ATF6: variants seen among roughly 807,000 people sequenced by gnomAD.
The protein encoded by ATF6 is activating transcription factor 6.
ATF6 carries 53 observed loss-of-function variants against 83.6 expected under a neutral mutation model. The ratio of observed to expected loss-of-function variants is 0.63; its 90% CI spans 0.51 to 0.80. ATF6 has a LOEUF of 0.80. ATF6 is among the 30% of genes least tolerant of loss of function. ATF6 has a pLI of 0.00. For synonymous variants in ATF6, 288 were observed against 285.8 expected, an observed-to-expected ratio of 1.01 and a Z score of -0.08; for missense variants, 744 against 797.9, an observed-to-expected ratio of 0.93 and a Z score of 0.81.
At chr1:161,947,611 A>G (rs1289441384) in intron 15 of ATF6, among the ~76,000 whole-genome samples, 1 of 152,178 alleles carries the variant, frequency 6.6e-6, no homozygotes, top group Non-Finnish European at 1.5e-5. Flanking sequence ...TGTCCATTTT[A>G]TAATAATTCA....
At chr1:161,900,130 T>A (rs2101878522) in intron 14 of ATF6, among the ~76,000 whole-genome samples, 1 of 152,314 alleles carries the variant, frequency 6.6e-6, no homozygotes, top group East Asian at 1.9e-4. Flanking sequence ...TTATCTTACT[T>A]GTTTTTATTA....
intron 15 of ATF6, among the ~76,000 whole-genome samples, chr1:161,947,808 GCCTTTT>G: frequency 1.0e-5 from 1 of 96,086 alleles, no homozygotes; most frequent in Non-Finnish European, 1.8e-5. Flanking sequence ...CTTAAGCCAC[GCCTTTT>G]TTTTTTTTTT....
At chr1:161,851,975 T>C in intron 11 of ATF6, 140 bp downstream of exon 11, 2 of 622,942 alleles carry the variant, frequency 3.2e-6, no homozygotes, top group Non-Finnish European at 5.6e-6. Context: ...GGCATATTAG[T>C]TGTCCAGTTT....
chr1:161,876,977 A>G (rs936317753), intron 14 of ATF6, among the ~76,000 whole-genome samples: 3 of 152,068 alleles, frequency 2.0e-5, no homozygotes, highest in African/African-American at 7.2e-5. Context: ...ACTTTTCCAA[A>G]AAGATTTAAA....
At chr1:161,928,726 G>A (rs1436700223) in intron 15 of ATF6, among the ~76,000 whole-genome samples, 1 of 151,886 alleles carries the variant, frequency 6.6e-6, no homozygotes, top group African/African-American at 2.4e-5. Flanking sequence ...ACAAAACATA[G>A]CATTTAATAG....
intron 14 of ATF6, among the ~76,000 whole-genome samples, chr1:161,869,392 A>G (rs192648407): frequency 3.3e-5 from 5 of 152,082 alleles, no homozygotes; most frequent in Middle Eastern, 3.4e-3. Context: ...AAATTCATTT[A>G]TAAAGTCTAC....
At chr1:161,852,779 AT>A (rs1472861948) in intron 11 of ATF6, among the ~76,000 whole-genome samples, 1 of 151,908 alleles carries the variant, frequency 6.6e-6, no homozygotes, top group East Asian at 1.9e-4. Context: ...TGCCCAGTTA[AT>A]TTTTTAAAAA....
At chr1:161,787,274 A>G (rs914514050) in intron 4 of ATF6, among the ~76,000 whole-genome samples, 7 of 152,100 alleles carry the variant, frequency 4.6e-5, no homozygotes, top group African/African-American at 1.2e-4. Context: ...ATCACACTTT[A>G]TATTTGTTCA....
At position 161,790,564 on chromosome 1, in the gene ATF6, C is replaced by T. The variant is rs144847381; in HGVS notation, c.355-844C>T. Among the ~76,000 whole-genome samples the T allele has an allele frequency of 1.6e-3, 246 of 152,152 alleles. 2 individuals carry two copies. Among genetic ancestry groups the T allele is most frequent in the Middle Eastern group, 3.4e-3 (1 of 294 alleles). ...GTGGTTCACGCCTGTAATCCCAGCA[C>T]GTTGGGAGGCTGAGGTGGGTGGACC... On this transcript the variant is annotated intron_variant, in intron 4 of 15. Transcript: ENST00000367942.
At chr1:161,818,569 T>C (rs1445090156) in intron 7 of ATF6, among the ~76,000 whole-genome samples, 1 of 152,106 alleles carries the variant, frequency 6.6e-6, no homozygotes, top group Non-Finnish European at 1.5e-5. Flanking sequence ...TATAAGATGT[T>C]CAGAGAAAAT....
chr1:161,859,029 T>C (rs1173994212), intron 12 of ATF6, among the ~76,000 whole-genome samples: 1 of 152,182 alleles, frequency 6.6e-6, no homozygotes, highest in Non-Finnish European at 1.5e-5. Context: ...TAGCTATAAT[T>C]TAGTTTTGGT....
intron 15 of ATF6, among the ~76,000 whole-genome samples, chr1:161,920,294 C>CTCTCTTTTTTTTTTT (rs1157916734): frequency 1.8e-5 from 1 of 54,842 alleles, no homozygotes; most frequent in African/African-American, 7.4e-5. Flanking sequence ...CTCTCTCTCT[C>CTCTCTTTTTTTTTTT]TTTTTTTTTT....
At position 161,934,483 on chromosome 1, in the gene ATF6, C is replaced by T. The variant is rs148497272; in HGVS notation, c.1804+22103C>T. ...CCTAGATGTTTCCTAGTGGTGCTGG[C>T]AAAGCTTCTGTTGGCTGTACCACAT... On this transcript the variant is annotated intron_variant, in intron 15 of 15. Coordinates refer to ENST00000367942, the MANE Select transcript of ATF6 (RefSeq NM_007348.4). 1.3e-3 allele frequency among the ~76,000 whole-genome samples: 205 copies of T among 152,288 alleles called. 2 individuals carry two copies. The highest frequency in any genetic ancestry group is 6.8e-3 in the Middle Eastern group (2 of 294).
At chr1:161,943,440 A>G (rs914749277) in intron 15 of ATF6, among the ~76,000 whole-genome samples, 2 of 152,094 alleles carry the variant, frequency 1.3e-5, no homozygotes, top group African/African-American at 4.8e-5. Flanking sequence ...TTCCTTTATA[A>G]ATTACCCAGT....
chr1:161,848,248 TATAA>T (rs1256720237), intron 10 of ATF6, among the ~76,000 whole-genome samples: 2 of 152,134 alleles, frequency 1.3e-5, no homozygotes, highest in Non-Finnish European at 2.9e-5. Flanking sequence ...ATTTTATCAG[TATAA>T]ATACTGAATA....
At chr1:161,954,165 G>C (rs752663560) in intron 15 of ATF6, among the ~76,000 whole-genome samples, 1 of 152,052 alleles carries the variant, frequency 6.6e-6, no homozygotes, top group Non-Finnish European at 1.5e-5. Context: ...AAGTAAGAAT[G>C]GCACAGTAGA....
intron 15 of ATF6, among the ~76,000 whole-genome samples, chr1:161,949,829 T>C (rs7536597): frequency 0.013 from 1,908 of 152,236 alleles, 45 homozygotes; most frequent in African/African-American, 0.043. Context: ...TACCTCCCAT[T>C]AAGCCCCACC....
intron 14 of ATF6, among the ~76,000 whole-genome samples, chr1:161,892,644 T>C (rs74578144): frequency 1.3e-5 from 2 of 150,190 alleles, no homozygotes; most frequent in African/African-American, 4.9e-5. Context: ...TTTTTTTTTT[T>C]TTTGAGATGG....
intron 15 of ATF6, among the ~76,000 whole-genome samples, chr1:161,934,518 A>G (rs945621131): frequency 7.2e-5 from 11 of 152,096 alleles, no homozygotes; most frequent in African/African-American, 4.8e-5. Flanking sequence ...TTCTTTCCCA[A>G]TCCAACTCCC....
Sources: gnomAD v4.1 joint callset for allele counts (sites outside exome capture counted in the v4.1 genomes callset) on GRCh38, gnomAD v4.1.1 for gene constraint, MANE v1.5 for transcripts, NCBI Gene and HGNC (gene_info 2026-07-23, HGNC 2026-07-21) for gene names.